The following PLAAT3 variants were observed in gnomAD, a reference collection of about 807,000 sequenced individuals.
PLAAT3 encodes the protein Ca-independent phospholipase A1/2.
A neutral mutation model predicts 16.7 loss-of-function variants in PLAAT3; 21 were observed. That is an observed-to-expected ratio of 1.26 (90% CI 0.89 to 1.81). The LOEUF (loss-of-function observed/expected upper bound fraction) is 1.81. Ranked by LOEUF, PLAAT3 falls within the 40% of genes most tolerant of loss-of-function variation. The pLI, the probability that PLAAT3 is intolerant of heterozygous loss-of-function variation, is 0.00. For synonymous variants in PLAAT3, 76 were observed against 81.7 expected, an observed-to-expected ratio of 0.93 and a Z score of 0.38; for missense variants, 219 against 213.7, an observed-to-expected ratio of 1.02 and a Z score of -0.16.
intron 2 of PLAAT3, among the ~76,000 whole-genome samples, chr11:63,610,938 A>C (rs1420392712): frequency 6.6e-6 from 1 of 152,030 alleles, no homozygotes; most frequent in African/African-American, 2.4e-5. Flanking sequence ...GGGCTCAGGA[A>C]ACTGTGGACA....
upstream of PLAAT3, among the ~76,000 whole-genome samples, chr11:63,615,092 ATATATGTG>A (rs1347182035): frequency 4.9e-5 from 4 of 82,314 alleles, no homozygotes; most frequent in African/African-American, 1.6e-4. Flanking sequence ...ATATATGTGT[ATATATGTG>A]TATATATGTG....
At chr11:63,598,440 G>A (rs981718871) in intron 2 of PLAAT3, among the ~76,000 whole-genome samples, 1 of 152,166 alleles carries the variant, frequency 6.6e-6, no homozygotes, top group Non-Finnish European at 1.5e-5. Flanking sequence ...ATTATTTCTA[G>A]GAATATTATT....
chr11:63,593,862 G>A (rs1938214462), intron 3 of PLAAT3, among the ~76,000 whole-genome samples: 1 of 152,174 alleles, frequency 6.6e-6, no homozygotes, highest in African/African-American at 2.4e-5. Flanking sequence ...TTACAGGCAT[G>A]AGCCACCGCA....
chr11:63,576,283 C>G (rs571441611), intron 4 of PLAAT3, among the ~76,000 whole-genome samples: 2 of 152,294 alleles, frequency 1.3e-5, no homozygotes, highest in African/African-American at 4.8e-5. Flanking sequence ...AGCAAACCCC[C>G]ACTTTTTTTT....
Position 63,575,017 on chromosome 11 carries a change from A to C in PLAAT3, c.417T>G (p.Val139=). 6.2e-7 allele frequency: 1 copy of C among 1,613,470 alleles called. No individual in the cohort carries two copies. Among genetic ancestry groups the C allele is most frequent in the South Asian group, 1.1e-5 (1 of 91,074 alleles). The change falls in exon 5 of 5, where the codon GTT becomes GTG. Residue 139 remains valine (V), a synonymous_variant. Transcript: ENST00000415826. ...TCATGGCTGCCAAGCCCATTCCTGC[A>C]ACGCTTGCAGCGATGATGACATCTC... ...QVRDVIIAAS[V]AGMGLAAMSL... is the part of the protein sequence containing the mutation.
chr11:63,584,901 A>G (rs1459199810), intron 4 of PLAAT3, among the ~76,000 whole-genome samples: 1 of 152,206 alleles, frequency 6.6e-6, no homozygotes, highest in African/African-American at 2.4e-5. Flanking sequence ...ACACAAAAAT[A>G]TCCTCATGAG....
upstream of PLAAT3, chr11:63,616,595 G>A (rs1427565271): frequency 5.9e-5 from 9 of 151,974 alleles, no homozygotes; most frequent in Admixed American, 5.9e-4. Flanking sequence ...ACTATTCTTT[G>A]TCCAATTCGG....
chr11:63,613,291 C>G (rs2134437717), intron 2 of PLAAT3, among the ~76,000 whole-genome samples: 1 of 151,836 alleles, frequency 6.6e-6, no homozygotes, highest in South Asian at 2.1e-4. Context: ...GGCGCCTGTA[C>G]TCCCAGCTAC....
chr11:63,614,149 G>A, intron 1 of PLAAT3, 81 bp from the exon 2 acceptor site: 2 of 1,253,804 alleles, frequency 1.6e-6, no homozygotes, highest in South Asian at 2.5e-5. Flanking sequence ...GCTTCTGTTG[G>A]GCAGGGCGTG....
At chr11:63,600,578 T>TG (rs1279153805) in intron 2 of PLAAT3, among the ~76,000 whole-genome samples, 1 of 129,690 alleles carries the variant, frequency 7.7e-6, no homozygotes, top group Non-Finnish European at 1.6e-5. Context: ...CTTCATGGTT[T>TG]TTTTGTTTTT....
chr11:63,612,014 T>G (rs1938706274), intron 2 of PLAAT3, among the ~76,000 whole-genome samples: 1 of 152,218 alleles, frequency 6.6e-6, no homozygotes, highest in Non-Finnish European at 1.5e-5. Flanking sequence ...GGCGCATGCC[T>G]GTAATCCCAG....
Position 63,592,800 on chromosome 11 carries a change from A to C in PLAAT3, c.119-2432T>G, listed in dbSNP as rs544751215. 9.1e-4 allele frequency among the ~76,000 whole-genome samples: 138 copies of C among 152,302 alleles called. 7 individuals are homozygous for C. The South Asian group carries it at 0.028, about 31-fold the overall frequency. ...GGGGTTGGCCAGAAAACATGCTTTC[A>C]CCAGTGTCTGGCACAGGACAGGCAC... On this transcript the variant is annotated intron_variant, in intron 3 of 4. Coordinates refer to ENST00000415826, the MANE Select transcript of PLAAT3 (RefSeq NM_001128203.2).
At chr11:63,607,194 T>G (rs1938589743) in intron 2 of PLAAT3, among the ~76,000 whole-genome samples, 1 of 151,698 alleles carries the variant, frequency 6.6e-6, no homozygotes, top group Non-Finnish European at 1.5e-5. Flanking sequence ...AGAGACAGAG[T>G]AGGCTGGGGG....
chr11:63,575,169 G>A, intron 4 of PLAAT3, 123 bp from the exon 5 acceptor site: 1 of 628,434 alleles, frequency 1.6e-6, no homozygotes, highest in Non-Finnish European at 2.8e-6. Context: ...GCCAAACTAA[G>A]GAGTCAACAA....
chr11:63,608,352 GA>G (rs1197702861), intron 2 of PLAAT3: 11 of 152,260 alleles, frequency 7.2e-5, no homozygotes, highest in Admixed American at 7.2e-4. Context: ...GGAGCTAAGG[GA>G]GGTAACATCA....
chr11:63,601,498 T>C (rs1162048762), intron 2 of PLAAT3, among the ~76,000 whole-genome samples: 1 of 151,292 alleles, frequency 6.6e-6, no homozygotes, highest in Non-Finnish European at 1.5e-5. Context: ...GCTCAACACA[T>C]AATCTCACTC....
At position 63,591,162 on chromosome 11, in the gene PLAAT3, G is replaced by A. The variant is rs551524952; in HGVS notation, c.119-794C>T. Among the ~76,000 whole-genome samples, 7 of 152,152 alleles carry A rather than the reference G, an allele frequency of 4.6e-5. No homozygotes were observed. In the East Asian group the frequency reaches 5.8e-4, roughly 13 times the overall value. ...TTTGGGAGGCCAAGGCAGGCAGATC[G>A]CTTAAGCCCAGGAGTTTCAGACAAG... On this transcript the variant is annotated intron_variant, in intron 3 of 4. Coordinates refer to ENST00000415826, the MANE Select transcript of PLAAT3 (RefSeq NM_001128203.2).
intron 4 of PLAAT3, among the ~76,000 whole-genome samples, chr11:63,575,915 C>A (rs2017653242): frequency 1.3e-5 from 2 of 152,138 alleles, no homozygotes; most frequent in Non-Finnish European, 2.9e-5. Context: ...CCTCCCTGAC[C>A]CCCAAAAGAA....
In PLAAT3 at chr11:63,590,088, C is replaced by T. The variant is rs1938105013; in HGVS notation, c.387+12G>A. The T allele has an allele frequency of 1.2e-6, 2 of 1,609,130 alleles. No individual in the cohort carries two copies. The highest frequency in any genetic ancestry group is 1.7e-6 in the Non-Finnish European group (2 of 1,176,568). The stretch of plus-strand genomic sequence containing the variant: ...TGGTTCCTGGGGAAGGCGACACAGG[C>T]AGAGGACGCACCTGGTCACTGCGGG... On this transcript the variant is annotated intron_variant, in intron 4 of 4. Transcript: ENST00000415826.
Sources: gnomAD v4.1 joint callset for allele counts (sites outside exome capture counted in the v4.1 genomes callset) on GRCh38, gnomAD v4.1.1 for gene constraint, MANE v1.5 for transcripts, NCBI Gene and HGNC (gene_info 2026-07-23, HGNC 2026-07-21) for gene names.